The following MED15 variants were observed in gnomAD, a reference collection of about 807,000 sequenced individuals.
The protein encoded by MED15 is mediator complex subunit 15.
In MED15, 41 loss-of-function variants were observed where a neutral mutation model predicts 118.7. That is an observed-to-expected ratio of 0.35 (90% CI 0.27 to 0.45). The LOEUF (loss-of-function observed/expected upper bound fraction) is 0.45. MED15 is among the 20% of genes least tolerant of loss of function. MED15 has a pLI of 1.00. For synonymous variants in MED15, 436 were observed against 413.9 expected, an observed-to-expected ratio of 1.05 and a Z score of -0.65; for missense variants, 740 against 1,025.5, an observed-to-expected ratio of 0.72 and a Z score of 3.80.
chr22:20,528,190 C>G (rs1225775008), intron 1 of MED15, among the ~76,000 whole-genome samples: 1 of 152,052 alleles, frequency 6.6e-6, no homozygotes, highest in Non-Finnish European at 1.5e-5. Context: ...TGAGAGGGAC[C>G]CTCCAAAGCC....
Position 20,564,529 on chromosome 22 carries a change from ACAGCAGCAG to A in MED15, c.546_554del (p.Gln186_Gln188del), listed in dbSNP as rs747865184. ...TCCAGCAGCAGCAGCAGGCGGCGCT[ACAGCAGCAG>A]CAGCAGCAGCAGCAACAGCAGCAGT... is the stretch of plus-strand genomic sequence containing the variant. On this transcript the variant is annotated inframe_deletion, in exon 6 of 18. Transcript: ENST00000263205. The A allele has an allele frequency of 4.6e-5, 73 of 1,592,980 alleles. No homozygotes were observed. Among genetic ancestry groups the A allele is most frequent in the South Asian group, 1.1e-4 (10 of 90,382 alleles).
intron 8 of MED15, chr22:20,574,076 C>G (rs1255099604): frequency 6.6e-6 from 1 of 152,298 alleles, no homozygotes; most frequent in South Asian, 2.1e-4. Context: ...CACTCTCCTG[C>G]TGGAGCTCTG....
chr22:20,557,445 G>A (rs1011781394), intron 5 of MED15, among the ~76,000 whole-genome samples: 1 of 152,054 alleles, frequency 6.6e-6, no homozygotes, highest in Non-Finnish European at 1.5e-5. Context: ...CTGGTTCTTC[G>A]TCCCAAGCTC....
chr22:20,549,835 T>C (rs781152887), intron 2 of MED15, among the ~76,000 whole-genome samples: 7 of 152,168 alleles, frequency 4.6e-5, no homozygotes, highest in Non-Finnish European at 8.8e-5. Context: ...TGATGATGCC[T>C]GCCCACTGCA....
chr22:20,570,243 T>C (rs1051944962), intron 8 of MED15, among the ~76,000 whole-genome samples: 6 of 151,762 alleles, frequency 4.0e-5, no homozygotes, highest in African/African-American at 1.5e-4. Context: ...CAGGATGGTC[T>C]CCATCTCTTG....
At chr22:20,570,500 T>C (rs2056607292) in intron 8 of MED15, among the ~76,000 whole-genome samples, 1 of 151,468 alleles carries the variant, frequency 6.6e-6, no homozygotes, top group South Asian at 2.1e-4. Flanking sequence ...CAGGCGATTC[T>C]TGTGCCTCAG....
rs1409011791 is a variant in MED15, at chr22:20,564,576, A to G, written c.578A>G (p.Gln193Arg). ...CAACAGCAGCAGTTCCAGGCTCAGC[A>G]GAGTGCCATGCAGCAGCAGTTCCAA... ...QQQQQQFQAQ[Q>R]SAMQQQFQAV... Residue 193 changes from glutamine to arginine, a missense_variant, in exon 6 of 18, where the codon CAG (glutamine) becomes CGG (arginine). By Grantham distance (43) the Gln-to-Arg change is conservative. Coordinates refer to ENST00000263205, the MANE Select transcript of MED15 (RefSeq NM_001003891.3). 6.2e-7 allele frequency: 1 copy of G among 1,609,318 alleles called. No homozygotes were observed. The highest frequency in any genetic ancestry group is 1.7e-4 in the Middle Eastern group (1 of 6,030).
At chr22:20,536,441 G>A (rs553959217) in intron 1 of MED15, among the ~76,000 whole-genome samples, 95 of 152,356 alleles carry the variant, frequency 6.2e-4, no homozygotes, top group African/African-American at 2.3e-3. Flanking sequence ...CCGTGGAGCA[G>A]CAGTGTGATG....
At chr22:20,579,646 T>C (rs915857091) in intron 9 of MED15, among the ~76,000 whole-genome samples, 9 of 152,268 alleles carry the variant, frequency 5.9e-5, no homozygotes, top group African/African-American at 2.2e-4. Flanking sequence ...GCCCACTCGG[T>C]GTCCACCTGC....
At chr22:20,554,795 C>A in intron 4 of MED15, 141 bp from the exon 5 acceptor site, 1 of 784,296 alleles carries the variant, frequency 1.3e-6, no homozygotes. Context: ...CTCCAGGAGC[C>A]TAGTCTCTTA....
intron 8 of MED15, among the ~76,000 whole-genome samples, chr22:20,572,691 A>G (rs1254634555): frequency 6.6e-6 from 1 of 152,184 alleles, no homozygotes; most frequent in Non-Finnish European, 1.5e-5. Context: ...AGCCAAGGTG[A>G]GAGGATCACT....
intron 8 of MED15, among the ~76,000 whole-genome samples, chr22:20,572,846 G>A (rs1034227951): frequency 3.3e-5 from 5 of 152,194 alleles, no homozygotes; most frequent in African/African-American, 1.2e-4. Flanking sequence ...GATCGTGCAA[G>A]CCCAGGGGTT....
intron 7 of MED15, among the ~76,000 whole-genome samples, chr22:20,567,130 C>T (rs553675785): frequency 3.9e-5 from 6 of 152,286 alleles, no homozygotes; most frequent in East Asian, 3.9e-4. Context: ...GTGAGCACTT[C>T]GACTGATGAG....
chr22:20,568,761 T>A, intron 8 of MED15, 130 bp downstream of exon 8: 6 of 1,436,318 alleles, frequency 4.2e-6, no homozygotes, highest in Non-Finnish European at 5.6e-6. Flanking sequence ...GGGGCTTCTC[T>A]CCCCCTTGCA....
intron 4 of MED15, chr22:20,554,699 T>A: frequency 2.3e-6 from 1 of 425,970 alleles, no homozygotes; most frequent in Non-Finnish European, 4.2e-6. Context: ...TCCCTTAACA[T>A]TAGGACTCTG....
intron 5 of MED15, among the ~76,000 whole-genome samples, chr22:20,560,009 C>G (rs780233433): frequency 3.3e-5 from 5 of 152,226 alleles, no homozygotes; most frequent in Non-Finnish European, 7.3e-5. Flanking sequence ...TTGACAATGT[C>G]TGGAGACATT....
At chr22:20,516,769 T>C (rs2054272282) in intron 1 of MED15, among the ~76,000 whole-genome samples, 1 of 152,176 alleles carries the variant, frequency 6.6e-6, no homozygotes. Flanking sequence ...CTGTTAAATA[T>C]CTGGAGGGCA....
rs576638154 is a variant in MED15, at chr22:20,520,667, G to A, written c.68+12921G>A. ...ACTCCCCAGATCTGCACCCAGCCAGGGCAAACTGTGCACCACTCTTCTGAC... is the reference window on the plus strand; with the variant it reads ...ACTCCCCAGATCTGCACCCAGCCAGAGCAAACTGTGCACCACTCTTCTGAC... On this transcript the variant is annotated intron_variant, in intron 1 of 17. Transcript: ENST00000263205. Among the ~76,000 whole-genome samples the A allele has an allele frequency of 1.8e-4, 28 of 152,284 alleles. 1 individual carries two copies. The highest frequency in any genetic ancestry group is 6.7e-4 in the African/African-American group (28 of 41,560).
At chr22:20,572,506 G>T (rs1281702267) in intron 8 of MED15, among the ~76,000 whole-genome samples, 1 of 152,254 alleles carries the variant, frequency 6.6e-6, no homozygotes, top group Admixed American at 6.5e-5. Context: ...TAGAAAAATT[G>T]CTCAGCCTTG....
Sources: gnomAD v4.1 joint callset for allele counts (sites outside exome capture counted in the v4.1 genomes callset) on GRCh38, gnomAD v4.1.1 for gene constraint, MANE v1.5 for transcripts, NCBI Gene and HGNC (gene_info 2026-07-23, HGNC 2026-07-21) for gene names.